Variants in PRKCH observed in about 807,000 individuals in gnomAD.
The protein encoded by PRKCH is protein kinase C eta, also known as protein kinase C eta type.
PRKCH carries 28 observed loss-of-function variants against 82.5 expected under a neutral mutation model. That is an observed-to-expected ratio of 0.34 (90% confidence interval 0.25 to 0.47). The LOEUF (loss-of-function observed/expected upper bound fraction) is 0.47, where lower values mean the gene tolerates loss of function less well. Ranked by LOEUF, PRKCH falls within the 20% of genes least tolerant of loss-of-function variation. PRKCH has a pLI of 1.00. For synonymous variants in PRKCH, 322 were observed against 327.4 expected, an observed-to-expected ratio of 0.98 and a Z score of 0.18; for missense variants, 705 against 881.8, an observed-to-expected ratio of 0.80 and a Z score of 2.54.
intron 1 of PRKCH, among the ~76,000 whole-genome samples, chr14:61,253,739 G>T (rs1041847079): frequency 6.6e-6 from 1 of 152,102 alleles, no homozygotes; most frequent in Non-Finnish European, 1.5e-5. Flanking sequence ...GCAACGGTGC[G>T]CAAGTTTTCC....
At chr14:61,493,152 C>G (rs1378251424) in intron 10 of PRKCH, among the ~76,000 whole-genome samples, 1 of 152,150 alleles carries the variant, frequency 6.6e-6, no homozygotes, top group Non-Finnish European at 1.5e-5. Context: ...CATTGCCTAT[C>G]ACAGGAAACA....
intron 12 of PRKCH, among the ~76,000 whole-genome samples, chr14:61,540,672 A>G (rs564209565): frequency 6.6e-6 from 1 of 152,302 alleles, no homozygotes; most frequent in South Asian, 2.1e-4. Context: ...TTAAGCTGTA[A>G]CTTGTATCAA....
At chr14:61,481,524 C>T (rs1302648550) in intron 9 of PRKCH, among the ~76,000 whole-genome samples, 1 of 152,180 alleles carries the variant, frequency 6.6e-6, no homozygotes, top group East Asian at 1.9e-4. Context: ...AACAGCCTCA[C>T]AACTGTGTCT....
chr14:61,265,364 C>T (rs2045089802), intron 1 of PRKCH, among the ~76,000 whole-genome samples: 1 of 152,058 alleles, frequency 6.6e-6, no homozygotes, highest in Non-Finnish European at 1.5e-5. Flanking sequence ...AGCTGTAGTC[C>T]CAGTTACTTG....
intron 1 of PRKCH, among the ~76,000 whole-genome samples, chr14:61,251,637 T>A (rs1337358276): frequency 6.6e-6 from 1 of 152,234 alleles, no homozygotes; most frequent in Non-Finnish European, 1.5e-5. Context: ...AAATCTTGGC[T>A]ATTGTGAACA....
chr14:61,254,471 C>T (rs2044979269), intron 1 of PRKCH, among the ~76,000 whole-genome samples: 1 of 151,980 alleles, frequency 6.6e-6, no homozygotes, highest in South Asian at 2.1e-4. Context: ...TTTTAATTAG[C>T]CGGGTGTGGT....
chr14:61,434,560 G>A (rs1883585368), intron 2 of PRKCH, among the ~76,000 whole-genome samples: 1 of 152,192 alleles, frequency 6.6e-6, no homozygotes, highest in Non-Finnish European at 1.5e-5. Flanking sequence ...AAGAGAATAG[G>A]AATTCTGAAC....
At chr14:61,204,015 A>G (rs933080177) in intron 1 of PRKCH, among the ~76,000 whole-genome samples, 1 of 152,172 alleles carries the variant, frequency 6.6e-6, no homozygotes, top group Admixed American at 6.5e-5. Context: ...AGAAAAGTTT[A>G]AGAAACTGCT....
chr14:61,217,510 C>G (rs540869447), intron 1 of PRKCH, among the ~76,000 whole-genome samples: 2 of 152,326 alleles, frequency 1.3e-5, no homozygotes, highest in East Asian at 3.9e-4. Context: ...TGAGTCTCCA[C>G]TCGCACTTAG....
intron 1 of PRKCH, among the ~76,000 whole-genome samples, chr14:61,389,795 G>A (rs1457849515): frequency 2.0e-5 from 3 of 152,132 alleles, no homozygotes; most frequent in African/African-American, 7.2e-5. Context: ...CCTTGCCCAG[G>A]GTCCAGAACC....
At chr14:61,300,998 C>A (rs949735897) in intron 1 of PRKCH, among the ~76,000 whole-genome samples, 16 of 152,196 alleles carry the variant, frequency 1.1e-4, no homozygotes, top group Admixed American at 3.3e-4. Flanking sequence ...TCAGACACCA[C>A]CTCCTCAAGC....
chr14:61,242,250 A>T (rs567503570), intron 1 of PRKCH, among the ~76,000 whole-genome samples: 1 of 152,290 alleles, frequency 6.6e-6, no homozygotes, highest in African/African-American at 2.4e-5. Flanking sequence ...CCAGCCTTAG[A>T]GACAGTGAAT....
At chr14:61,295,439 A>G (rs572022270) in intron 1 of PRKCH, among the ~76,000 whole-genome samples, 1 of 152,208 alleles carries the variant, frequency 6.6e-6, no homozygotes. Context: ...GGACACAGCC[A>G]TGTAATTTAG....
intron 1 of PRKCH, among the ~76,000 whole-genome samples, chr14:61,255,915 T>G (rs1444652008): frequency 6.6e-6 from 1 of 152,206 alleles, no homozygotes; most frequent in Non-Finnish European, 1.5e-5. Context: ...GTCTTATCTA[T>G]TTGAAGGAAA....
intron 12 of PRKCH, among the ~76,000 whole-genome samples, chr14:61,536,659 G>C (rs185420300): frequency 4.4e-4 from 67 of 152,284 alleles, no homozygotes; most frequent in Admixed American, 2.4e-3. Context: ...ACATGCCATA[G>C]AGTTACAGAT....
At chr14:61,275,629 T>C (rs1039691809) in intron 1 of PRKCH, among the ~76,000 whole-genome samples, 1 of 152,164 alleles carries the variant, frequency 6.6e-6, no homozygotes, top group South Asian at 2.1e-4. Context: ...GCTTACTAAA[T>C]TTCTCAAAGC....
At chr14:61,359,241 T>A (rs564291394) in intron 1 of PRKCH, among the ~76,000 whole-genome samples, 2 of 152,216 alleles carry the variant, frequency 1.3e-5, no homozygotes, top group African/African-American at 4.8e-5. Context: ...GGGGCAGTGC[T>A]GCGTATCAGA....
chr14:61,543,548 G>A (rs537248872), intron 12 of PRKCH: 1 of 152,172 alleles, frequency 6.6e-6, no homozygotes, highest in Non-Finnish European at 1.5e-5. Context: ...AAAACATTCT[G>A]CTTCCTTTAG....
At chr14:61,314,023 TGCCCAG>T (rs2045543928) in intron 1 of PRKCH, among the ~76,000 whole-genome samples, 1 of 152,244 alleles carries the variant, frequency 6.6e-6, no homozygotes, top group South Asian at 2.1e-4. Flanking sequence ...TCTCGCCATT[TGCCCAG>T]GCTTACATTA....
Sources: allele counts gnomAD v4.1 joint callset (sites outside exome capture counted in the v4.1 genomes callset), GRCh38; gene constraint gnomAD v4.1.1; transcripts MANE v1.5; gene names NCBI Gene and HGNC (gene_info 2026-07-23, HGNC 2026-07-21).